The following CNTN4 variants were observed in gnomAD, a reference collection of about 807,000 sequenced individuals.
The protein encoded by CNTN4 is contactin-4.
CNTN4 carries 77 observed loss-of-function variants against 122.5 expected under a neutral mutation model. That is an observed-to-expected ratio of 0.63 (90% CI 0.52 to 0.76). The LOEUF is 0.76. Ranked by LOEUF, CNTN4 falls within the 30% of genes least tolerant of loss-of-function variation. The probability of loss-of-function intolerance (pLI) is 0.00; values close to 1 mark genes in which losing one functional copy is unlikely to be tolerated. For synonymous variants in CNTN4, 512 were observed against 447.0 expected (o/e 1.15, Z -1.83); for missense variants, 1,256 against 1,259.1 (o/e 1.00, Z 0.04).
chr3:2,555,613 A>G (rs1464693886), intron 3 of CNTN4, among the ~76,000 whole-genome samples: 1 of 152,210 alleles, frequency 6.6e-6, no homozygotes, highest in African/African-American at 2.4e-5. Flanking sequence ...TAAGCTACAA[A>G]TTTGAAGCTA....
chr3:2,708,601 T>A (rs762269466), intron 4 of CNTN4, among the ~76,000 whole-genome samples: 1 of 152,238 alleles, frequency 6.6e-6, no homozygotes, highest in Non-Finnish European at 1.5e-5. Flanking sequence ...AACTGTGGCC[T>A]GATGTCCCAC....
chr3:2,188,813 T>C (rs971589642), intron 2 of CNTN4, among the ~76,000 whole-genome samples: 17 of 152,174 alleles, frequency 1.1e-4, no homozygotes, highest in Non-Finnish European at 7.3e-5. Context: ...CAATGGGCTT[T>C]ACATTGAATA....
rs1699754260 is a variant in CNTN4 at position 3,037,841 on chromosome 3, A to C, written c.2092+513A>C. The stretch of plus-strand genomic sequence containing the variant: ...AACGAAGATTCAGAACATCGTGCTC[A>C]TTCGAACAAGACCAGTCAGCAATTC... On this transcript the variant is annotated intron_variant, in intron 18 of 24. Coordinates refer to ENST00000418658, the MANE Select transcript of CNTN4 (RefSeq NM_175607.3). 2.0e-5 allele frequency among the ~76,000 whole-genome samples: 3 copies of C among 152,346 alleles called. No homozygotes were observed. In the South Asian group the frequency reaches 6.2e-4, roughly 32 times the overall value.
intron 2 of CNTN4, among the ~76,000 whole-genome samples, chr3:2,267,735 A>G (rs992700901): frequency 7.9e-5 from 12 of 152,012 alleles, no homozygotes; most frequent in African/African-American, 2.7e-4. Flanking sequence ...AAAGTAACCT[A>G]TTGTCAAAGA....
At chr3:2,893,608 G>T (rs1297736382) in intron 10 of CNTN4, among the ~76,000 whole-genome samples, 1 of 152,068 alleles carries the variant, frequency 6.6e-6, no homozygotes, top group African/African-American at 2.4e-5. Flanking sequence ...ATAATAGAGA[G>T]AATTAATACA....
At chr3:2,234,019 TA>T (rs1419386986) in intron 2 of CNTN4, among the ~76,000 whole-genome samples, 1 of 152,188 alleles carries the variant, frequency 6.6e-6, no homozygotes, top group African/African-American at 2.4e-5. Context: ...CTTTCTCTGT[TA>T]GGTATCTAGT....
intron 4 of CNTN4, among the ~76,000 whole-genome samples, chr3:2,670,804 C>CT (rs1468721087): frequency 1.3e-5 from 2 of 152,168 alleles, no homozygotes; most frequent in Admixed American, 6.5e-5. Context: ...GACAAAATCT[C>CT]TCAGCATTTG....
At chr3:2,900,958 G>A (rs1474816638) in intron 11 of CNTN4, 137 bp downstream of exon 11, 4 of 1,123,922 alleles carry the variant, frequency 3.6e-6, no homozygotes, top group Non-Finnish European at 5.3e-6. Context: ...GAAAAAGTGA[G>A]AGTGAATGCA....
chr3:2,423,960 A>AGGGATAGCT (rs1173416381), intron 3 of CNTN4, among the ~76,000 whole-genome samples: 1 of 1,996 alleles, frequency 5.0e-4, no homozygotes. Context: ...GTTTTTTTTG[A>AGGGATAGCT]TTAGGCAACA....
At chr3:2,655,291 T>G (rs2083537473) in intron 4 of CNTN4, among the ~76,000 whole-genome samples, 1 of 152,222 alleles carries the variant, frequency 6.6e-6, no homozygotes, top group South Asian at 2.1e-4. Context: ...AGAGAAGTCT[T>G]GTCTGTTAAA....
chr3:2,350,086 G>A (rs746872921), intron 3 of CNTN4, among the ~76,000 whole-genome samples: 6 of 152,142 alleles, frequency 3.9e-5, no homozygotes, highest in East Asian at 3.9e-4. Context: ...AGAAGTCATC[G>A]TGGTTGTTTT....
chr3:2,115,053 C>A (rs1465399785), intron 2 of CNTN4, among the ~76,000 whole-genome samples: 1 of 152,134 alleles, frequency 6.6e-6, no homozygotes, highest in Admixed American at 6.5e-5. Flanking sequence ...ATGATGAAAC[C>A]TCAGCCCACC....
chr3:2,356,664 C>G (rs2044885992), intron 3 of CNTN4, among the ~76,000 whole-genome samples: 1 of 152,114 alleles, frequency 6.6e-6, no homozygotes. Flanking sequence ...TAAGAATGCC[C>G]AACCTCCTGG....
At chr3:2,383,148 A>C (rs2046094970) in intron 3 of CNTN4, among the ~76,000 whole-genome samples, 1 of 152,162 alleles carries the variant, frequency 6.6e-6, no homozygotes, top group Non-Finnish European at 1.5e-5. Flanking sequence ...ATTAATTTTA[A>C]AAGTCCAAGG....
intron 14 of CNTN4, among the ~76,000 whole-genome samples, chr3:3,024,301 C>T (rs540788424): frequency 3.4e-5 from 5 of 147,228 alleles, no homozygotes; most frequent in East Asian, 2.0e-4. Flanking sequence ...AATTTAAAAA[C>T]GTCAAATGAC....
intron 3 of CNTN4, among the ~76,000 whole-genome samples, chr3:2,501,187 G>T (rs1461977134): frequency 6.6e-6 from 1 of 151,986 alleles, no homozygotes; most frequent in South Asian, 2.1e-4. Context: ...TATATAGAAA[G>T]TCCATTCATT....
intron 3 of CNTN4, among the ~76,000 whole-genome samples, chr3:2,401,438 T>C (rs2046855148): frequency 6.6e-6 from 1 of 152,178 alleles, no homozygotes; most frequent in Non-Finnish European, 1.5e-5. Context: ...AGCTAGTGGC[T>C]ATTTTGGAGC....
chr3:2,782,509 G>A (rs1212297214), intron 6 of CNTN4, among the ~76,000 whole-genome samples: 1 of 135,316 alleles, frequency 7.4e-6, no homozygotes, highest in Non-Finnish European at 1.6e-5. Context: ...GTGTGTGTGT[G>A]TGTGTGTTTT....
At chr3:2,398,943 A>G (rs1213160225) in intron 3 of CNTN4, among the ~76,000 whole-genome samples, 1 of 152,140 alleles carries the variant, frequency 6.6e-6, no homozygotes, top group African/African-American at 2.4e-5. Context: ...GATTTATTAC[A>G]TACATCTTAA....
Sources: allele counts gnomAD v4.1 joint callset (sites outside exome capture counted in the v4.1 genomes callset), GRCh38; gene constraint gnomAD v4.1.1; transcripts MANE v1.5; gene names NCBI Gene and HGNC (gene_info 2026-07-23, HGNC 2026-07-21).